The following GGNBP2 variants were observed in gnomAD, a reference collection of about 807,000 sequenced individuals.
GGNBP2 encodes gametogenetin binding protein 2, also known as gametogenetin-binding protein 2.
Under a neutral mutation model 85.9 loss-of-function variants are expected in GGNBP2, and 10 were observed. The ratio of observed to expected loss-of-function variants is 0.12; its 90% confidence interval spans 0.07 to 0.20. The LOEUF (loss-of-function observed/expected upper bound fraction) is 0.20, where lower values mean the gene tolerates loss of function less well. Among genes scored for constraint, GGNBP2 ranks in the 10% least tolerant of loss-of-function variants. The pLI, the probability that GGNBP2 is intolerant of heterozygous loss-of-function variation, is 1.00. For synonymous variants in GGNBP2, 287 were observed against 285.7 expected (o/e 1.00, Z -0.05); for missense variants, 595 against 857.8 (o/e 0.69, Z 3.83).
intron 4 of GGNBP2, among the ~76,000 whole-genome samples, chr17:36,559,764 A>C (rs1215155514): frequency 1.3e-5 from 2 of 152,134 alleles, no homozygotes; most frequent in African/African-American, 2.4e-5. Context: ...TTGGACAGGG[A>C]TGATAATGGT....
chr17:36,572,816 A>G (rs567135349), intron 6 of GGNBP2, among the ~76,000 whole-genome samples: 1 of 152,306 alleles, frequency 6.6e-6, no homozygotes, highest in African/African-American at 2.4e-5. Context: ...AACTGAAACT[A>G]TACGCATTGA....
chr17:36,579,626 T>C (rs2074625829), intron 8 of GGNBP2, among the ~76,000 whole-genome samples: 1 of 152,178 alleles, frequency 6.6e-6, no homozygotes, highest in Non-Finnish European at 1.5e-5. Context: ...TTTAAAAAAA[T>C]GTTTTTAATC....
At chr17:36,577,234 CTGAT>C (rs2074600548) in intron 6 of GGNBP2, 1 of 152,174 alleles carries the variant, frequency 6.6e-6, no homozygotes, top group African/African-American at 2.4e-5. Context: ...TTATTTCTTT[CTGAT>C]TGATTGATAT....
chr17:36,549,133 T>G (rs927429819), intron 2 of GGNBP2, among the ~76,000 whole-genome samples: 12 of 152,232 alleles, frequency 7.9e-5, no homozygotes, highest in Admixed American at 7.2e-4. Flanking sequence ...GCTAAAATGT[T>G]GTTCAGTGTT....
chr17:36,549,551 A>G (rs2074288822), intron 2 of GGNBP2, among the ~76,000 whole-genome samples: 1 of 152,160 alleles, frequency 6.6e-6, no homozygotes, highest in South Asian at 2.1e-4. Context: ...CTACAAAACA[A>G]ATTACCCTTA....
intron 12 of GGNBP2, 80 bp from the exon 13 acceptor site, chr17:36,586,917 C>CT (rs11367622): frequency 0.031 from 32,917 of 1,063,916 alleles, 15 homozygotes; most frequent in South Asian, 0.038. Flanking sequence ...CCGTGCCCCG[C>CT]TTTTTTTTTT....
chr17:36,563,461 A>G (rs1468282679), intron 5 of GGNBP2, among the ~76,000 whole-genome samples: 1 of 151,902 alleles, frequency 6.6e-6, no homozygotes, highest in African/African-American at 2.4e-5. Flanking sequence ...GTGTTACTCT[A>G]TTGCATCCTT....
At chr17:36,578,321 G>T in intron 7 of GGNBP2, 135 bp downstream of exon 7, 1 of 673,782 alleles carries the variant, frequency 1.5e-6, no homozygotes. Context: ...TAAAGATTTT[G>T]CTTCTCTTTA....
intron 9 of GGNBP2, among the ~76,000 whole-genome samples, chr17:36,582,651 T>C (rs925141746): frequency 6.6e-6 from 1 of 152,222 alleles, no homozygotes; most frequent in Non-Finnish European, 1.5e-5. Context: ...TACTGTAGTC[T>C]GTATAAGCCA....
intron 3 of GGNBP2, among the ~76,000 whole-genome samples, 177 bp from the exon 4 acceptor site, chr17:36,556,906 A>C (rs2074367689): frequency 6.6e-6 from 1 of 151,952 alleles, no homozygotes. Flanking sequence ...TTGTGGAGGA[A>C]ATTCCGTACA....
intron 2 of GGNBP2, among the ~76,000 whole-genome samples, chr17:36,552,179 G>T (rs1314031422): frequency 6.6e-6 from 1 of 152,172 alleles, no homozygotes; most frequent in Non-Finnish European, 1.5e-5. Flanking sequence ...CCAATATTCT[G>T]TTGAGTTACA....
chr17:36,555,539 CAAAAAAGTTGGGCAGACATGGCAGCA>C (rs1308304331), intron 3 of GGNBP2, among the ~76,000 whole-genome samples: 5 of 152,020 alleles, frequency 3.3e-5, no homozygotes, highest in Non-Finnish European at 7.4e-5. Flanking sequence ...ACAGAAAATG[CAAAAAAGTTGGGCAGACATGGCAGCA>C]TGTGCCTGGG....
chr17:36,567,965 C>T (rs1294899562), intron 6 of GGNBP2, among the ~76,000 whole-genome samples, 189 bp downstream of exon 6: 2 of 150,664 alleles, frequency 1.3e-5, no homozygotes, highest in African/African-American at 2.4e-5. Context: ...CTAGCTCTGT[C>T]GCCAGGCTGG....
chr17:36,546,016 T>C, intron 2 of GGNBP2, 199 bp downstream of exon 2: 1 of 539,344 alleles, frequency 1.9e-6, no homozygotes, highest in Non-Finnish European at 3.3e-6. Flanking sequence ...AGCCCAGAGC[T>C]CCGTACGCAC....
At chr17:36,587,308 GA>G (rs2074712550) in intron 13 of GGNBP2, 63 bp downstream of exon 13, 2 of 1,552,110 alleles carry the variant, frequency 1.3e-6, no homozygotes, top group African/African-American at 2.7e-5. Flanking sequence ...TGTGGGAGGG[GA>G]TAGTATTTGA....
At chr17:36,557,465 C>T (rs2074373757) in intron 4 of GGNBP2, 129 bp downstream of exon 4, 1 of 756,146 alleles carries the variant, frequency 1.3e-6, no homozygotes, top group Non-Finnish European at 2.1e-6. Flanking sequence ...GTTGTATGTA[C>T]CAGTGGATGT....
chr17:36,553,590 G>A (rs373909277), intron 2 of GGNBP2, among the ~76,000 whole-genome samples: 89 of 152,176 alleles, frequency 5.8e-4, no homozygotes, highest in Middle Eastern at 6.8e-3. Context: ...GCCTTAAATC[G>A]GTGTTTTTCT....
At chr17:36,560,665 T>G (rs2074408596) in intron 4 of GGNBP2, 108 bp from the exon 5 acceptor site, 1 of 634,046 alleles carries the variant, frequency 1.6e-6, no homozygotes, top group South Asian at 2.3e-5. Context: ...AGAAAAGTGG[T>G]TTTTTTGTGT....
At position 36,585,673 on chromosome 17, in the gene GGNBP2, A is replaced by G. The variant is rs559863305; in HGVS notation, c.1367-167A>G. The G allele has an allele frequency of 8.7e-4, 560 of 640,074 alleles. 4 individuals carry two copies. In the South Asian group the frequency reaches 0.015, roughly 17 times the overall value. 39.6% of individuals were successfully genotyped at this position (640,074 alleles called of 1,614,324 possible). A position where few individuals can be genotyped will look rare whatever the true frequency, so the allele number is the denominator to read the frequency against. On this transcript the variant is annotated intron_variant, in intron 10 of 13. Transcript: ENST00000613102. ...ATGGTAAATTCCTAATCATATTTTC[A>G]TTATTTAATTTACTTTCTACTTAAA...
Sources: gnomAD v4.1 joint callset for allele counts (sites outside exome capture counted in the v4.1 genomes callset) on GRCh38, gnomAD v4.1.1 for gene constraint, MANE v1.5 for transcripts, NCBI Gene and HGNC (gene_info 2026-07-23, HGNC 2026-07-21) for gene names.